The following SPATA13 variants were observed in gnomAD, a reference collection of about 807,000 sequenced individuals.
The protein encoded by SPATA13 is spermatogenesis associated 13, also known as spermatogenesis-associated protein 13.
Under a neutral mutation model 104.0 loss-of-function variants are expected in SPATA13, and 50 were observed. The observed-to-expected ratio is 0.48, with a 90% confidence interval of 0.38 to 0.61. The LOEUF is 0.61. SPATA13 is among the 20% of genes least tolerant of loss of function. SPATA13 has a pLI of 0.00. For synonymous variants in SPATA13, 606 were observed against 667.5 expected (o/e 0.91, Z 1.42); for missense variants, 1,524 against 1,690.6 (o/e 0.90, Z 1.73).
At chr13:23,989,565 GA>G (rs1378270169) in intron 2 of SPATA13, among the ~76,000 whole-genome samples, 1 of 152,088 alleles carries the variant, frequency 6.6e-6, no homozygotes, top group African/African-American at 2.4e-5. Context: ...CTGCATACTG[GA>G]AAACTCAAAC....
chr13:24,009,459 G>C (rs540560221), intron 2 of SPATA13, among the ~76,000 whole-genome samples: 13 of 152,300 alleles, frequency 8.5e-5, no homozygotes, highest in African/African-American at 2.9e-4. Context: ...TTGGGCTACA[G>C]CCTAGTTTTA....
intron 3 of SPATA13, among the ~76,000 whole-genome samples, chr13:24,024,267 T>C (rs1877104937): frequency 6.8e-6 from 1 of 148,146 alleles, no homozygotes; most frequent in African/African-American, 2.5e-5. Context: ...CTTCAGACTA[T>C]AGGACTTTGA....
chr13:24,288,808 T>C (rs966868377), intron 7 of SPATA13, among the ~76,000 whole-genome samples, 191 bp from the exon 8 acceptor site: 3 of 152,354 alleles, frequency 2.0e-5, no homozygotes, highest in South Asian at 4.1e-4. Context: ...TGAGCCTTTT[T>C]GCTTTCTTTT....
intron 3 of SPATA13, among the ~76,000 whole-genome samples, chr13:24,113,080 T>C (rs1208809660): frequency 6.6e-6 from 1 of 152,208 alleles, no homozygotes; most frequent in Non-Finnish European, 1.5e-5. Flanking sequence ...CTGAGGGACT[T>C]CTCGGCTCTC....
chr13:24,099,080 G>C (rs1880175920), intron 3 of SPATA13, among the ~76,000 whole-genome samples: 1 of 152,124 alleles, frequency 6.6e-6, no homozygotes, highest in African/African-American at 2.4e-5. Context: ...GTGAGATCCT[G>C]TCTCTAAGAA....
At chr13:24,297,024 G>GTTGT (rs980090190) in intron 10 of SPATA13, among the ~76,000 whole-genome samples, 3 of 151,564 alleles carry the variant, frequency 2.0e-5, no homozygotes, top group Admixed American at 2.0e-4. Flanking sequence ...TGTTGTTGTT[G>GTTGT]TTGTTTGTTT....
At chr13:24,276,272 T>C (rs1282730685) in intron 4 of SPATA13, among the ~76,000 whole-genome samples, 4 of 152,254 alleles carry the variant, frequency 2.6e-5, no homozygotes, top group African/African-American at 9.6e-5. Flanking sequence ...GTTTTTTCCT[T>C]TTTTAAAAAT....
At chr13:24,149,902 G>C (rs142278174) in intron 3 of SPATA13, among the ~76,000 whole-genome samples, 1 of 152,136 alleles carries the variant, frequency 6.6e-6, no homozygotes, top group Non-Finnish European at 1.5e-5. Flanking sequence ...GAGGTGGTTG[G>C]GGAGGAACAC....
At chr13:23,980,732 C>T (rs1874848392) in intron 1 of SPATA13, among the ~76,000 whole-genome samples, 1 of 152,050 alleles carries the variant, frequency 6.6e-6, no homozygotes, top group Non-Finnish European at 1.5e-5. Flanking sequence ...GCTGGGATTA[C>T]AGGCGGCCGT....
chr13:24,159,131 A>AG (rs5802266), upstream of SPATA13, among the ~76,000 whole-genome samples: 77,621 of 151,460 alleles, frequency 0.51, 20,379 homozygotes, highest in Middle Eastern at 0.61. Flanking sequence ...AGACCGTGAT[A>AG]TTTTTTTTTA....
chr13:24,084,537 T>G (rs1879657545), intron 3 of SPATA13, among the ~76,000 whole-genome samples: 1 of 11,296 alleles, frequency 8.9e-5, no homozygotes, highest in South Asian at 0.012. Flanking sequence ...GCTTTCTGGT[T>G]TTTCTTAAAA....
chr13:23,981,511 C>T (rs1479953676), intron 1 of SPATA13, among the ~76,000 whole-genome samples: 2 of 152,174 alleles, frequency 1.3e-5, no homozygotes, highest in Admixed American at 1.3e-4. Flanking sequence ...GCCGGAAATG[C>T]TAGGAAGCAG....
At chr13:24,000,554 C>A (rs1875911595) in intron 2 of SPATA13, among the ~76,000 whole-genome samples, 1 of 152,114 alleles carries the variant, frequency 6.6e-6, no homozygotes, top group South Asian at 2.1e-4. Flanking sequence ...AAGCACACGG[C>A]AACAACATAA....
Position 24,249,729 on chromosome 13 carries a change from G to T in SPATA13, c.1906G>T (p.Ala636Ser), listed in dbSNP as rs1400586642. 3 of 1,614,042 alleles carry T rather than the reference G, an allele frequency of 1.9e-6. No individual in the cohort carries two copies. The highest frequency in any genetic ancestry group is 2.5e-6 in the Non-Finnish European group (3 of 1,179,992). The change falls in exon 3 of 13, where the codon GCT becomes TCT. Residue 636 changes from alanine (A) to serine (S), a missense_variant. Around this residue, in one of 2 missense-constraint regions of SPATA13, gnomAD observed 1,089 missense variants for 1,135.9 expected, o/e 0.96. Coordinates refer to ENST00000382108, the MANE Select transcript of SPATA13 (RefSeq NM_001166271.3). Reference sequence around the variant, plus strand: ...TTCTGCCAGCCCTGAAGACCAGAATGCTCCAGTGGGCTGCCCCAAAGGAGC... The same window carrying T: ...TTCTGCCAGCCCTGAAGACCAGAATTCTCCAGTGGGCTGCCCCAAAGGAGC... ...MTSASPEDQN[A>S]PVGCPKGARR...
At chr13:24,082,012 G>A (rs778053035) in intron 3 of SPATA13, among the ~76,000 whole-genome samples, 46 of 152,166 alleles carry the variant, frequency 3.0e-4, no homozygotes, top group Non-Finnish European at 5.4e-4. Flanking sequence ...TATTGGTCTC[G>A]AATGGCTGCA....
chr13:24,024,945 A>AAAACATTCAAATTC (rs1877143371), intron 3 of SPATA13, among the ~76,000 whole-genome samples: 1 of 32,168 alleles, frequency 3.1e-5, no homozygotes, highest in Non-Finnish European at 7.5e-5. Flanking sequence ...TATATATATA[A>AAAACATTCAAATTC]ATATATATAT....
intron 2 of SPATA13, among the ~76,000 whole-genome samples, chr13:24,007,126 T>A (rs544090333): frequency 6.6e-6 from 1 of 152,302 alleles, no homozygotes; most frequent in East Asian, 1.9e-4. Context: ...GGCACTGTAG[T>A]CACCTCTGTC....
chr13:24,054,253 G>C (rs1878462661), intron 3 of SPATA13, among the ~76,000 whole-genome samples: 2 of 152,182 alleles, frequency 1.3e-5, no homozygotes, highest in South Asian at 4.1e-4. Flanking sequence ...ATTTAGCCAG[G>C]AAAAGGGAAG....
chr13:24,302,848 A>C lies in SPATA13; in HGVS notation c.*75A>C. 6.3e-7 allele frequency: 1 copy of C among 1,597,528 alleles called. No homozygotes were observed. The highest frequency in any genetic ancestry group is 8.6e-7 in the Non-Finnish European group (1 of 1,168,818). ...CTTTGTTTCTTGTGTGCTTCAATCCAGGGAAAGTTTCTTGGACCCAGTGAT... is the reference window on the plus strand; with the variant it reads ...CTTTGTTTCTTGTGTGCTTCAATCCCGGGAAAGTTTCTTGGACCCAGTGAT... On this transcript the variant is annotated 3_prime_UTR_variant, in exon 13 of 13. Transcript: ENST00000382108.
Sources: allele counts gnomAD v4.1 joint callset (sites outside exome capture counted in the v4.1 genomes callset), GRCh38; gene constraint gnomAD v4.1.1; regional missense constraint gnomAD v4.1.1; transcripts MANE v1.5; gene names NCBI Gene and HGNC (gene_info 2026-07-23, HGNC 2026-07-21).